PDE1C: variants seen among roughly 807,000 people sequenced by gnomAD.
PDE1C encodes phosphodiesterase 1C.
Under a neutral mutation model 93.1 loss-of-function variants are expected in PDE1C, and 62 were observed. That is an observed-to-expected ratio of 0.67 (90% CI 0.54 to 0.82). The LOEUF (loss-of-function observed/expected upper bound fraction) is 0.82. Ranked by LOEUF, PDE1C falls within the 40% of genes least tolerant of loss-of-function variation. The pLI is 0.00. For synonymous variants in PDE1C, 325 were observed against 310.1 expected, an observed-to-expected ratio of 1.05 and a Z score of -0.50; for missense variants, 742 against 884.6, an observed-to-expected ratio of 0.84 and a Z score of 2.04.
chr7:32,086,486 C>G (rs1174647545), intron 3 of PDE1C, among the ~76,000 whole-genome samples: 5 of 152,102 alleles, frequency 3.3e-5, no homozygotes, highest in African/African-American at 1.2e-4. Context: ...ACTTTCTTCA[C>G]AGAATTGGAA....
At chr7:31,803,358 T>TTG (rs1331795061) in intron 16 of PDE1C, among the ~76,000 whole-genome samples, 3 of 151,810 alleles carry the variant, frequency 2.0e-5, no homozygotes, top group African/African-American at 7.2e-5. Flanking sequence ...CTAACATCTG[T>TTG]TTCAGTTCTG....
In PDE1C at chr7:31,823,115, C is replaced by A. The variant is rs1789187073; in HGVS notation, c.1540G>T (p.Val514Leu). The A allele has an allele frequency of 1.2e-6, 2 of 1,612,976 alleles. No homozygotes were observed. The highest frequency in any genetic ancestry group is 2.2e-5 in the South Asian group (2 of 90,964). ...CTCCATCTCTCCCGATTGATGTGCA[C>A]CACTTCCGTCCAAGTAGCTTTAAAG... ...KSFKATWTEV[V>L]HINRERWRAK... Residue 514 changes from valine to leucine, a missense_variant, in exon 14 of 18, where the codon GTG becomes TTG. By Grantham distance (32) the Val-to-Leu change is conservative. Around this residue, in one of 4 missense-constraint regions of PDE1C, gnomAD observed 454 missense variants for 459.4 expected, o/e 0.99. Transcript: ENST00000396191.
At chr7:32,265,739 A>C (rs1170543131) in intron 1 of PDE1C, among the ~76,000 whole-genome samples, 1 of 152,260 alleles carries the variant, frequency 6.6e-6, no homozygotes, top group African/African-American at 2.4e-5. Context: ...ATACGTATCC[A>C]AATAGCTTTA....
chr7:31,962,638 C>T (rs1809174319), intron 2 of PDE1C, among the ~76,000 whole-genome samples: 1 of 152,130 alleles, frequency 6.6e-6, no homozygotes, highest in South Asian at 2.1e-4. Context: ...CAGGAGAGGA[C>T]ATGGTTATTT....
At chr7:32,111,450 T>C (rs1276533088) in intron 3 of PDE1C, among the ~76,000 whole-genome samples, 1 of 152,090 alleles carries the variant, frequency 6.6e-6, no homozygotes, top group Non-Finnish European at 1.5e-5. Context: ...TCCCCCATCA[T>C]GAGATGGTGC....
At chr7:31,737,565 G>A in the PDE1C span, among the ~76,000 whole-genome samples, 2 of 152,052 alleles carry the variant, frequency 1.3e-5, no homozygotes, top group African/African-American at 4.8e-5. Context: ...ACTTGGGGAG[G>A]CTGAAGTGGG....
chr7:31,692,136 T>A, the PDE1C span, among the ~76,000 whole-genome samples: 63,987 of 151,996 alleles, frequency 0.42, 14,714 homozygotes, highest in East Asian at 0.68. Flanking sequence ...AAACTCTCAA[T>A]GTGTCTCTGA....
chr7:32,314,954 A>G (rs1371044651), intron 1 of PDE1C, among the ~76,000 whole-genome samples: 8 of 150,796 alleles, frequency 5.3e-5, no homozygotes, highest in Non-Finnish European at 8.8e-5. Context: ...GCAAACATGC[A>G]TCGCCACAGA....
In PDE1C at chr7:31,863,021, C is replaced by T. The variant is rs1463471554; in HGVS notation, c.750+1921G>A. Among the ~76,000 whole-genome samples, 3 of 152,026 alleles carry T rather than the reference C, an allele frequency of 2.0e-5. No homozygotes were observed. In the East Asian group the frequency reaches 5.8e-4, roughly 29 times the overall value. ...AGATTATCATGTTTCATATTAAAAT[C>T]CTTGAAACTTTGAATAGTATTGCTT... is the stretch of plus-strand genomic sequence containing the variant. On this transcript the variant is annotated intron_variant, in intron 7 of 17. Coordinates refer to ENST00000396191, the MANE Select transcript of PDE1C (RefSeq NM_001191057.4).
At chr7:32,103,802 A>C (rs1437299698) in intron 3 of PDE1C, among the ~76,000 whole-genome samples, 1 of 152,222 alleles carries the variant, frequency 6.6e-6, no homozygotes, top group East Asian at 1.9e-4. Flanking sequence ...TTTAGAGAAA[A>C]AGAGTAACTG....
At chr7:31,929,807 G>C (rs1803937441) in intron 2 of PDE1C, among the ~76,000 whole-genome samples, 1 of 152,182 alleles carries the variant, frequency 6.6e-6, no homozygotes, top group African/African-American at 2.4e-5. Flanking sequence ...AAAATTTATA[G>C]CACTAAATGC....
chr7:32,235,044 A>C (rs1289479653), intron 1 of PDE1C, among the ~76,000 whole-genome samples: 1 of 152,064 alleles, frequency 6.6e-6, no homozygotes, highest in African/African-American at 2.4e-5. Context: ...CTTTTGACAA[A>C]ATTAAACATC....
intron 3 of PDE1C, among the ~76,000 whole-genome samples, chr7:32,167,302 G>A (rs970352811): frequency 6.6e-6 from 1 of 152,134 alleles, no homozygotes; most frequent in Non-Finnish European, 1.5e-5. Context: ...ACCTTGCAGA[G>A]AGCTAGAAAA....
At chr7:31,631,933 G>A in the PDE1C span, among the ~76,000 whole-genome samples, 79,424 of 151,944 alleles carry the variant, frequency 0.52, 21,350 homozygotes, top group East Asian at 0.83. Context: ...GTGATGGCAG[G>A]TACCTTTGAT....
At chr7:31,790,241 C>A in intron 16 of PDE1C, 1 of 1,612,654 alleles carries the variant, frequency 6.2e-7, no homozygotes, top group Non-Finnish European at 8.5e-7. Context: ...TCTATGAGGT[C>A]TTTTTTACTC....
the PDE1C span, among the ~76,000 whole-genome samples, chr7:31,724,337 C>T: frequency 6.6e-6 from 1 of 152,174 alleles, no homozygotes; most frequent in Non-Finnish European, 1.5e-5. Context: ...ACCTTTTGCC[C>T]TATCTATGTC....
chr7:31,897,523 A>T (rs567027341), intron 2 of PDE1C, among the ~76,000 whole-genome samples: 1 of 152,272 alleles, frequency 6.6e-6, no homozygotes, highest in East Asian at 1.9e-4. Context: ...TGATCTCATA[A>T]ATTAAACAGG....
the PDE1C span, among the ~76,000 whole-genome samples, chr7:31,743,517 T>C: frequency 6.6e-6 from 1 of 151,772 alleles, no homozygotes; most frequent in Non-Finnish European, 1.5e-5. Flanking sequence ...ACTGAAGTCA[T>C]AAAACCACAT....
chr7:31,907,929 C>A (rs1800792160), intron 2 of PDE1C, among the ~76,000 whole-genome samples: 2 of 149,204 alleles, frequency 1.3e-5, no homozygotes, highest in South Asian at 2.2e-4. Context: ...TGAAATAAAA[C>A]CTTATAGGAG....
Sources: allele counts gnomAD v4.1 joint callset (sites outside exome capture counted in the v4.1 genomes callset), GRCh38; gene constraint gnomAD v4.1.1; regional missense constraint gnomAD v4.1.1; transcripts MANE v1.5; gene names NCBI Gene and HGNC (gene_info 2026-07-23, HGNC 2026-07-21).